Variants in DNAJC13 observed in about 807,000 individuals in gnomAD.
DNAJC13 encodes dnaJ homolog subfamily C member 13.
DNAJC13 carries 75 observed loss-of-function variants against 290.5 expected under a neutral mutation model. The ratio of observed to expected loss-of-function variants is 0.26; its 90% CI spans 0.21 to 0.31. DNAJC13 has a LOEUF of 0.31. Among genes scored for constraint, DNAJC13 ranks in the 10% least tolerant of loss-of-function variants. The pLI, the probability that DNAJC13 is intolerant of heterozygous loss-of-function variation, is 1.00. For missense variants in DNAJC13, 2,260 were observed against 2,674.5 expected (o/e 0.85, Z 3.42); for synonymous variants, 862 against 892.0 (o/e 0.97, Z 0.60).
Position 132,538,373 on chromosome 3 carries a change from C to T in DNAJC13, c.*91C>T. On this transcript the variant is annotated 3_prime_UTR_variant, in exon 56 of 56. Coordinates refer to ENST00000260818, the MANE Select transcript of DNAJC13 (RefSeq NM_015268.4). ...GTTGAAGCAAACTCTTACTGCCTTT[C>T]TCCTGGTTTCATGACAGTGTTATTC... is the stretch of plus-strand genomic sequence containing the variant. The T allele has an allele frequency of 3.2e-6, 3 of 928,418 alleles. No homozygotes were observed. Among genetic ancestry groups the T allele is most frequent in the Non-Finnish European group, 1.6e-6 (1 of 606,932 alleles). The allele number at this position is 928,418 out of a possible 1,614,324, so 57.5% of individuals were successfully genotyped here. A position where few individuals can be genotyped will look rare whatever the true frequency, so the allele number is the denominator to read the frequency against.
chr3:132,530,278 T>G lies in DNAJC13; in HGVS notation c.6526-720T>G, dbSNP rs189002546. On this transcript the variant is annotated intron_variant, in intron 54 of 55. Coordinates refer to ENST00000260818, the MANE Select transcript of DNAJC13 (RefSeq NM_015268.4). Reference sequence around the variant, plus strand: ...AGAGACAGTCTGTCTTTCTCATCTTTGTGTTCACTGTGCCTACCACATAAG... The same window carrying G: ...AGAGACAGTCTGTCTTTCTCATCTTGGTGTTCACTGTGCCTACCACATAAG... Among the ~76,000 whole-genome samples the G allele has an allele frequency of 2.7e-3, 407 of 152,342 alleles. 2 individuals are homozygous for G. The highest frequency in any genetic ancestry group is 2.4e-3 in the Non-Finnish European group (164 of 68,028).
chr3:132,513,557 C>T (rs541078839), intron 45 of DNAJC13, among the ~76,000 whole-genome samples: 1 of 152,176 alleles, frequency 6.6e-6, no homozygotes, highest in Non-Finnish European at 1.5e-5. Context: ...TCTTACAAAT[C>T]TAGTACAAGA....
Position 132,450,742 on chromosome 3 carries a change from C to G in DNAJC13, c.432C>G (p.Thr144=), listed in dbSNP as rs1204309541. The change falls in exon 6 of 56, where the codon ACC becomes ACG. Residue 144 remains threonine (T), a synonymous_variant. Transcript: ENST00000260818. The part of the protein sequence containing the change: ...PGGFDQINPA[T]NRVLCSYDYR... ...GCTTTGACCAAATTAATCCTGCAACCAACAGAGTACTCTGTTCCTATGACT... is the reference window on the plus strand; with the variant it reads ...GCTTTGACCAAATTAATCCTGCAACGAACAGAGTACTCTGTTCCTATGACT... 6.2e-7 allele frequency: 1 copy of G among 1,610,368 alleles called. No homozygotes were observed. The highest frequency in any genetic ancestry group is 8.5e-7 in the Non-Finnish European group (1 of 1,177,092).
At chr3:132,445,896 A>G (rs898642192) in intron 2 of DNAJC13, among the ~76,000 whole-genome samples, 2 of 152,008 alleles carry the variant, frequency 1.3e-5, no homozygotes, top group African/African-American at 4.8e-5. Context: ...TTCTCCTTCA[A>G]ATATGTTACT....
chr3:132,452,458 G>A (rs1008173170), intron 6 of DNAJC13, among the ~76,000 whole-genome samples: 1 of 152,178 alleles, frequency 6.6e-6, no homozygotes, highest in Non-Finnish European at 1.5e-5. Context: ...CAGGGGAGCT[G>A]TTGACATTCT....
At chr3:132,524,957 G>T (rs1297746360) in intron 51 of DNAJC13, among the ~76,000 whole-genome samples, 1 of 152,178 alleles carries the variant, frequency 6.6e-6, no homozygotes, top group Non-Finnish European at 1.5e-5. Context: ...CACTAGTTCT[G>T]CATTCTTCTG....
chr3:132,483,845 G>T (rs1287558984), intron 28 of DNAJC13, among the ~76,000 whole-genome samples: 3 of 152,174 alleles, frequency 2.0e-5, no homozygotes, highest in African/African-American at 7.2e-5. Flanking sequence ...TATGTGAATT[G>T]GTGTTAATGT....
chr3:132,425,553 A>C (rs1261982622), intron 1 of DNAJC13, among the ~76,000 whole-genome samples: 1 of 152,250 alleles, frequency 6.6e-6, no homozygotes, highest in African/African-American at 2.4e-5. Flanking sequence ...ACAAATTCAC[A>C]TTTTTAGTTA....
chr3:132,508,747 C>T (rs770408055), intron 43 of DNAJC13, among the ~76,000 whole-genome samples: 2 of 152,030 alleles, frequency 1.3e-5, no homozygotes, highest in Non-Finnish European at 2.9e-5. Flanking sequence ...CATGTACCCC[C>T]GAATCTAAAA....
intron 42 of DNAJC13, 28 bp from the exon 43 acceptor site, chr3:132,507,209 A>ACAGTCTAT: frequency 7.4e-7 from 1 of 1,349,904 alleles, no homozygotes. Flanking sequence ...TTTACATCTA[A>ACAGTCTAT]CAGTCTATTT....
chr3:132,473,661 C>T (rs2107687551), intron 21 of DNAJC13, among the ~76,000 whole-genome samples: 1 of 152,092 alleles, frequency 6.6e-6, no homozygotes, highest in East Asian at 1.9e-4. Flanking sequence ...CAATCTCACC[C>T]TTACCCTGCA....
intron 1 of DNAJC13, among the ~76,000 whole-genome samples, chr3:132,431,660 A>G (rs1301655545): frequency 6.6e-6 from 1 of 152,246 alleles, no homozygotes; most frequent in Non-Finnish European, 1.5e-5. Context: ...AGAAATGAGT[A>G]TGTATGTTCA....
At chr3:132,466,930 C>G (rs1220664211) in intron 19 of DNAJC13, among the ~76,000 whole-genome samples, 2 of 152,188 alleles carry the variant, frequency 1.3e-5, no homozygotes, top group African/African-American at 4.8e-5. Flanking sequence ...CCTTCTCTGT[C>G]TGCACCCAGC....
In DNAJC13 at chr3:132,538,412, T is replaced by C. The variant is rs1936663701; in HGVS notation, c.*130T>C. ...ACAGTGTTATTCCTTTTTCTATAAA[T>C]ATATTTTTAGGAAAAAAAGTCAGTG... On this transcript the variant is annotated 3_prime_UTR_variant, in exon 56 of 56. Coordinates refer to ENST00000260818, the MANE Select transcript of DNAJC13 (RefSeq NM_015268.4). 6.0e-6 allele frequency: 4 copies of C among 668,066 alleles called. No individual in the cohort carries two copies. The highest frequency in any genetic ancestry group is 9.6e-6 in the Non-Finnish European group (4 of 415,306). 41.4% of individuals were successfully genotyped at this position (668,066 alleles called of 1,614,324 possible).
chr3:132,475,832 T>C (rs1378266901), intron 22 of DNAJC13, among the ~76,000 whole-genome samples: 1 of 152,248 alleles, frequency 6.6e-6, no homozygotes, highest in East Asian at 1.9e-4. Flanking sequence ...GACCACTAAA[T>C]GTTGGCTGGC....
At chr3:132,420,208 A>G (rs1408602882) in intron 1 of DNAJC13, among the ~76,000 whole-genome samples, 1 of 152,246 alleles carries the variant, frequency 6.6e-6, no homozygotes, top group East Asian at 1.9e-4. Context: ...TCTACTAGAA[A>G]AGACTGGAAA....
chr3:132,533,057 C>CTTTTTTT (rs35854494), intron 55 of DNAJC13, among the ~76,000 whole-genome samples: 1 of 102,908 alleles, frequency 9.7e-6, no homozygotes. Context: ...CCACACCTGG[C>CTTTTTTT]TTTTTTTTTT....
chr3:132,454,262 A>G, intron 9 of DNAJC13, 105 bp downstream of exon 9: 2 of 784,044 alleles, frequency 2.6e-6, no homozygotes, highest in Non-Finnish European at 4.1e-6. Context: ...AAAATCATTT[A>G]ATTTGGGAAA....
At chr3:132,516,033 C>T (rs1218036126) in intron 46 of DNAJC13, among the ~76,000 whole-genome samples, 2 of 152,262 alleles carry the variant, frequency 1.3e-5, no homozygotes, top group East Asian at 1.9e-4. Flanking sequence ...CTACTTTTTC[C>T]CTCAAGACAG....
Sources: gnomAD v4.1 joint callset for allele counts (sites outside exome capture counted in the v4.1 genomes callset) on GRCh38, gnomAD v4.1.1 for gene constraint, MANE v1.5 for transcripts, NCBI Gene and HGNC (gene_info 2026-07-23, HGNC 2026-07-21) for gene names.